PELI2: variants seen among roughly 807,000 people sequenced by gnomAD.
The protein encoded by PELI2 is E3 ubiquitin-protein ligase pellino homolog 2.
A neutral mutation model predicts 42.3 loss-of-function variants in PELI2; 23 were observed. The observed-to-expected ratio is 0.54, with a 90% CI of 0.39 to 0.77. PELI2 has a LOEUF of 0.77. Ranked by LOEUF, PELI2 falls within the 30% of genes least tolerant of loss-of-function variation. The pLI is 0.00. For synonymous variants in PELI2, 245 were observed against 212.2 expected (o/e 1.15, Z -1.34); for missense variants, 463 against 553.2 (o/e 0.84, Z 1.64).
At chr14:56,254,884 A>C (rs1295562099) in intron 2 of PELI2, among the ~76,000 whole-genome samples, 1 of 152,236 alleles carries the variant, frequency 6.6e-6, no homozygotes, top group Non-Finnish European at 1.5e-5. Flanking sequence ...AATACGAAAA[A>C]ATTTCCATTA....
At chr14:56,289,880 A>G (rs116157529) in intron 4 of PELI2, among the ~76,000 whole-genome samples, 1 of 152,182 alleles carries the variant, frequency 6.6e-6, no homozygotes, top group African/African-American at 2.4e-5. Flanking sequence ...TGACAGTGAG[A>G]ACATAGAAAG....
chr14:56,242,142 T>C (rs1887998206), intron 2 of PELI2, among the ~76,000 whole-genome samples: 1 of 152,208 alleles, frequency 6.6e-6, no homozygotes, highest in Non-Finnish European at 1.5e-5. Flanking sequence ...TCATGGGTTC[T>C]GTACAGAGGA....
intron 3 of PELI2, among the ~76,000 whole-genome samples, chr14:56,283,124 C>T (rs758776999): frequency 7.2e-5 from 11 of 152,122 alleles, no homozygotes; most frequent in South Asian, 6.2e-4. Context: ...TCTTTAGCGA[C>T]GTACGTGTCA....
At chr14:56,170,537 T>C (rs1357461048) in intron 1 of PELI2, among the ~76,000 whole-genome samples, 1 of 152,222 alleles carries the variant, frequency 6.6e-6, no homozygotes, top group East Asian at 1.9e-4. Flanking sequence ...AGAACTGATG[T>C]AGCTTTAGGT....
intron 1 of PELI2, among the ~76,000 whole-genome samples, chr14:56,151,988 A>G (rs1884377507): frequency 1.3e-5 from 2 of 152,186 alleles, no homozygotes; most frequent in Admixed American, 1.3e-4. Context: ...CCCAGCTTCC[A>G]TTCATGCTGT....
chr14:56,275,936 G>T (rs568879113), intron 2 of PELI2, among the ~76,000 whole-genome samples: 13 of 152,232 alleles, frequency 8.5e-5, no homozygotes, highest in African/African-American at 3.1e-4. Context: ...GACCCTACCT[G>T]CTCTCCTTTC....
At chr14:56,136,741 T>G (rs1325955232) in intron 1 of PELI2, among the ~76,000 whole-genome samples, 1 of 152,136 alleles carries the variant, frequency 6.6e-6, no homozygotes, top group Non-Finnish European at 1.5e-5. Context: ...GAATGTGTCT[T>G]TCTTTTCCTC....
At chr14:56,121,578 C>T (rs1183315025) in intron 1 of PELI2, among the ~76,000 whole-genome samples, 6 of 152,130 alleles carry the variant, frequency 3.9e-5, no homozygotes, top group African/African-American at 1.4e-4. Flanking sequence ...GGTCTTTTTG[C>T]TATAATTTTA....
intron 2 of PELI2, among the ~76,000 whole-genome samples, chr14:56,182,009 A>T (rs991987118): frequency 1.4e-4 from 21 of 152,126 alleles, no homozygotes; most frequent in African/African-American, 4.1e-4. Context: ...CATGCCAGGT[A>T]TTGGATATTC....
Position 56,118,753 on chromosome 14 carries a change from C to T in PELI2, c.77+16C>T, listed in dbSNP as rs370831928. 3 of 1,472,604 alleles carry T rather than the reference C, an allele frequency of 2.0e-6. No homozygotes were observed. Among genetic ancestry groups the T allele is most frequent in the African/African-American group, 1.5e-5 (1 of 68,786 alleles). 91.2% of individuals were successfully genotyped at this position (1,472,604 alleles called of 1,614,324 possible). On this transcript the variant is annotated intron_variant, in intron 1 of 5. Coordinates refer to ENST00000267460, the MANE Select transcript of PELI2 (RefSeq NM_021255.3). ...TGGTGCTCGGGTGAGTCCTGGGGTC[C>T]CTGGTCCCGGGCAGCGGCGCGGGCG...
intron 1 of PELI2, among the ~76,000 whole-genome samples, chr14:56,151,962 C>T (rs779632860): frequency 2.2e-4 from 34 of 152,164 alleles, no homozygotes; most frequent in African/African-American, 1.7e-4. Flanking sequence ...CTGTAGTCCA[C>T]AGGATCATTC....
chr14:56,262,996 T>C (rs1201403), intron 2 of PELI2, among the ~76,000 whole-genome samples: 90,478 of 151,594 alleles, frequency 0.6, 28,119 homozygotes, highest in African/African-American at 0.78. Flanking sequence ...CTTGATTCTT[T>C]TGCTCAAGGA....
intron 2 of PELI2, among the ~76,000 whole-genome samples, chr14:56,208,370 T>C (rs1886590482): frequency 6.6e-6 from 1 of 152,226 alleles, no homozygotes; most frequent in South Asian, 2.1e-4. Context: ...GGGAAATGAC[T>C]GTTCAGACAG....
chr14:56,179,235 G>A (rs1233137117), intron 2 of PELI2, among the ~76,000 whole-genome samples: 1 of 151,982 alleles, frequency 6.6e-6, no homozygotes, highest in Non-Finnish European at 1.5e-5. Flanking sequence ...ATATTTACAT[G>A]AAGCATTTCA....
At chr14:56,275,414 T>C (rs1468804731) in intron 2 of PELI2, among the ~76,000 whole-genome samples, 1 of 152,186 alleles carries the variant, frequency 6.6e-6, no homozygotes, top group Non-Finnish European at 1.5e-5. Context: ...TTGTAATATA[T>C]AACTAAATAA....
intron 2 of PELI2, among the ~76,000 whole-genome samples, chr14:56,277,921 C>T (rs1031189869): frequency 6.6e-6 from 1 of 152,198 alleles, no homozygotes; most frequent in Non-Finnish European, 1.5e-5. Flanking sequence ...AAACACCATA[C>T]TTAAGCAGGT....
At chr14:56,176,782 A>G (rs1378470401) in intron 1 of PELI2, among the ~76,000 whole-genome samples, 1 of 152,232 alleles carries the variant, frequency 6.6e-6, no homozygotes, top group Non-Finnish European at 1.5e-5. Flanking sequence ...GGGCATACAT[A>G]GCAAGCCTTG....
In PELI2 at chr14:56,295,260, A is replaced by G. The variant is rs554733579; in HGVS notation, c.697-1340A>G. Among the ~76,000 whole-genome samples, 12 of 152,170 alleles carry G rather than the reference A, an allele frequency of 7.9e-5. No individual in the cohort carries two copies. In the East Asian group the frequency reaches 2.1e-3, roughly 27 times the overall value. ...TAGAAGTGACCTTTTTGAAAGGTCA[A>G]TCAGTTCTTTTATAGTTACCTAAAC... On this transcript the variant is annotated intron_variant, in intron 5 of 5. Coordinates refer to ENST00000267460, the MANE Select transcript of PELI2 (RefSeq NM_021255.3).
In PELI2 at chr14:56,170,932, C is replaced by T. The variant is rs533687811; in HGVS notation, c.78-7403C>T. ...TAAGCCTGAAAGGCTCTTATGGGCT[C>T]GAATTGAAACACCCCTGTTGCAGCA... is the stretch of plus-strand genomic sequence containing the variant. On this transcript the variant is annotated intron_variant, in intron 1 of 5. Transcript: ENST00000267460. 1.9e-4 allele frequency among the ~76,000 whole-genome samples: 29 copies of T among 152,264 alleles called. No individual in the cohort carries two copies. In the South Asian group the frequency reaches 2.3e-3, roughly 12 times the overall value.
Sources: gnomAD v4.1 joint callset for allele counts (sites outside exome capture counted in the v4.1 genomes callset) on GRCh38, gnomAD v4.1.1 for gene constraint, MANE v1.5 for transcripts, NCBI Gene and HGNC (gene_info 2026-07-23, HGNC 2026-07-21) for gene names.